The following LRP1B variants were observed in gnomAD, a reference collection of about 807,000 sequenced individuals.
LRP1B encodes the protein low-density lipoprotein receptor-related protein 1B.
LRP1B carries 217 observed loss-of-function variants against 556.6 expected under a neutral mutation model. That is an observed-to-expected ratio of 0.39 (90% CI 0.35 to 0.44). The LOEUF is 0.44. LRP1B is among the 20% of genes least tolerant of loss of function. The pLI is 1.00. For synonymous variants in LRP1B, 2,047 were observed against 1,865.8 expected (o/e 1.10, Z -2.50); for missense variants, 5,053 against 5,620.8 (o/e 0.90, Z 3.23).
intron 2 of LRP1B, among the ~76,000 whole-genome samples, chr2:141,561,337 A>G (rs1463270791): frequency 6.6e-6 from 1 of 151,822 alleles, no homozygotes; most frequent in Non-Finnish European, 1.5e-5. Context: ...ATTTTCTCCA[A>G]TAGATTAATA....
At chr2:140,292,399 A>G (rs1209049862) in intron 84 of LRP1B, among the ~76,000 whole-genome samples, 2 of 152,152 alleles carry the variant, frequency 1.3e-5, no homozygotes, top group Non-Finnish European at 2.9e-5. Context: ...TAGAAACAGG[A>G]AAAATAAATT....
At chr2:141,959,034 C>T (rs781699943) in intron 1 of LRP1B, among the ~76,000 whole-genome samples, 2 of 151,954 alleles carry the variant, frequency 1.3e-5, no homozygotes, top group African/African-American at 2.4e-5. Flanking sequence ...AATTAATCAG[C>T]CTTACCATCT....
At chr2:141,357,502 G>A (rs1688670258) in intron 3 of LRP1B, among the ~76,000 whole-genome samples, 1 of 152,130 alleles carries the variant, frequency 6.6e-6, no homozygotes, top group African/African-American at 2.4e-5. Context: ...TAAGAGCTGA[G>A]CCACTGAATA....
intron 2 of LRP1B, among the ~76,000 whole-genome samples, chr2:141,764,396 A>G (rs1369354360): frequency 6.6e-6 from 1 of 152,118 alleles, no homozygotes; most frequent in Non-Finnish European, 1.5e-5. Flanking sequence ...GTTAGTCAGG[A>G]TGGTCTTGAT....
intron 2 of LRP1B, among the ~76,000 whole-genome samples, chr2:141,542,884 A>C (rs1428176219): frequency 2.2e-4 from 34 of 152,164 alleles, no homozygotes. Flanking sequence ...CTTACATAGA[A>C]AAGGTTAAAA....
intron 2 of LRP1B, among the ~76,000 whole-genome samples, chr2:141,609,609 A>T (rs1222560054): frequency 2.6e-5 from 4 of 152,218 alleles, no homozygotes; most frequent in Non-Finnish European, 1.5e-5. Flanking sequence ...TTTAACAATC[A>T]GCACTCACAA....
intron 7 of LRP1B, among the ~76,000 whole-genome samples, chr2:141,130,582 A>G (rs950963291): frequency 6.6e-6 from 1 of 152,154 alleles, no homozygotes; most frequent in South Asian, 2.1e-4. Context: ...ACATCTAAAA[A>G]TGTACATGAC....
chr2:140,580,202 A>T (rs998819892), intron 43 of LRP1B, among the ~76,000 whole-genome samples: 5 of 152,244 alleles, frequency 3.3e-5, no homozygotes, highest in African/African-American at 4.8e-5. Context: ...TATGTAACTC[A>T]GCAAATTGAG....
chr2:140,584,413 C>G (rs922300205), intron 43 of LRP1B, among the ~76,000 whole-genome samples: 4 of 150,134 alleles, frequency 2.7e-5, no homozygotes, highest in Admixed American at 1.3e-4. Context: ...TATATATGAG[C>G]AGAATGGCTT....
At chr2:141,552,410 C>T (rs1380678693) in intron 2 of LRP1B, among the ~76,000 whole-genome samples, 3 of 151,944 alleles carry the variant, frequency 2.0e-5, no homozygotes, top group African/African-American at 7.2e-5. Context: ...TCTACTATAG[C>T]TTGGTAATAT....
intron 7 of LRP1B, among the ~76,000 whole-genome samples, chr2:141,160,711 A>G (rs940774395): frequency 1.3e-5 from 2 of 152,116 alleles, no homozygotes; most frequent in African/African-American, 4.8e-5. Context: ...GTAAAAAAAT[A>G]CAGTGAAAAA....
chr2:140,281,591 G>A lies in LRP1B; in HGVS notation c.12968-6993C>T, dbSNP rs1050634963. 2.0e-5 allele frequency among the ~76,000 whole-genome samples: 3 copies of A among 151,762 alleles called. No homozygotes were observed. The Admixed American group carries it at 2.0e-4, about 10-fold the overall frequency. Reference sequence around the variant, plus strand: ...TGGACACTTATTGTTCTACTTCACTGAATTTTAATCTGGCCTTTAAAAATA... The same window carrying A: ...TGGACACTTATTGTTCTACTTCACTAAATTTTAATCTGGCCTTTAAAAATA... On this transcript the variant is annotated intron_variant, in intron 84 of 90. Transcript: ENST00000389484.
rs546857328 is a variant in LRP1B at position 141,877,812 on chromosome 2, T to C, written c.83-67411A>G. On this transcript the variant is annotated intron_variant, in intron 1 of 90. Coordinates refer to ENST00000389484, the MANE Select transcript of LRP1B (RefSeq NM_018557.3). The stretch of plus-strand genomic sequence containing the variant: ...AGAAAAATAAGTTAATTTGGAACTG[T>C]CCATAAAAGGGTAATGTTGAGGCAA... Among the ~76,000 whole-genome samples, 8 of 152,070 alleles carry C rather than the reference T, an allele frequency of 5.3e-5. No homozygotes were observed. In the South Asian group the frequency reaches 1.7e-3, roughly 32 times the overall value.
chr2:140,582,071 T>C (rs1461144473), intron 43 of LRP1B, among the ~76,000 whole-genome samples: 1 of 152,140 alleles, frequency 6.6e-6, no homozygotes, highest in South Asian at 2.1e-4. Context: ...TGAGAGAACA[T>C]GGTCGTGACA....
rs566097853 is a variant in LRP1B, at chr2:141,534,934, G to A, written c.206-54401C>T. ...TTCCTTTTTGTCTCCTGGTGGTTTG[G>A]TATATCTTTTTTGAACACCAACACT... On this transcript the variant is annotated intron_variant, in intron 2 of 90. Coordinates refer to ENST00000389484, the MANE Select transcript of LRP1B (RefSeq NM_018557.3). Among the ~76,000 whole-genome samples the A allele has an allele frequency of 2.6e-5, 4 of 152,044 alleles. No homozygotes were observed. In the South Asian group the frequency reaches 8.3e-4, roughly 32 times the overall value.
At chr2:141,082,036 T>C (rs1200360566) in intron 7 of LRP1B, among the ~76,000 whole-genome samples, 2 of 152,166 alleles carry the variant, frequency 1.3e-5, no homozygotes, top group Non-Finnish European at 2.9e-5. Context: ...AATAAAAATA[T>C]GATCTAGTCA....
chr2:140,403,122 GA>G (rs965645820), intron 66 of LRP1B, among the ~76,000 whole-genome samples: 1 of 151,350 alleles, frequency 6.6e-6, no homozygotes, highest in Non-Finnish European at 1.5e-5. Context: ...AGAAAAGAAA[GA>G]AAAAAAATGG....
intron 1 of LRP1B, among the ~76,000 whole-genome samples, chr2:141,977,019 T>C (rs1197249442): frequency 6.6e-6 from 1 of 152,158 alleles, no homozygotes; most frequent in Non-Finnish European, 1.5e-5. Flanking sequence ...TTCAAATTAT[T>C]TTAATGTTGC....
chr2:142,023,767 A>G (rs890185400), intron 1 of LRP1B, among the ~76,000 whole-genome samples: 1 of 152,200 alleles, frequency 6.6e-6, no homozygotes, highest in African/African-American at 2.4e-5. Flanking sequence ...ATGGAGAGGT[A>G]CTGGATAATT....
Sources: allele counts gnomAD v4.1 joint callset (sites outside exome capture counted in the v4.1 genomes callset), GRCh38; gene constraint gnomAD v4.1.1; transcripts MANE v1.5; gene names NCBI Gene and HGNC (gene_info 2026-07-23, HGNC 2026-07-21).